The following MYDGF variants were observed in gnomAD, a reference collection of about 807,000 sequenced individuals.
MYDGF encodes myeloid-derived growth factor.
Under a neutral mutation model 24.2 loss-of-function variants are expected in MYDGF, and 29 were observed. The ratio of observed to expected loss-of-function variants is 1.20; its 90% CI spans 0.89 to 1.63. The LOEUF is 1.63. Among genes scored for constraint, MYDGF ranks in the 40% most tolerant of loss-of-function variants. MYDGF has a pLI of 0.00. For missense variants in MYDGF, 245 were observed against 234.8 expected, an observed-to-expected ratio of 1.04 and a Z score of -0.29; for synonymous variants, 105 against 102.5, an observed-to-expected ratio of 1.02 and a Z score of -0.15.
chr19:4,670,330 G>C lies in MYDGF; in HGVS notation c.5C>G (p.Ala2Gly), dbSNP rs752214078. The C allele has an allele frequency of 4.1e-6, 6 of 1,452,454 alleles. No individual in the cohort carries two copies. The Middle Eastern group carries it at 1.0e-3, about 243-fold the overall frequency. The allele number at this position is 1,452,454 out of a possible 1,614,324, so 90.0% of individuals were successfully genotyped here. A position where few individuals can be genotyped will look rare whatever the true frequency, so the allele number is the denominator to read the frequency against. Residue 2 changes from alanine to glycine, a missense_variant, in exon 1 of 6, where the codon GCG becomes GGG. Coordinates refer to ENST00000262947, the MANE Select transcript of MYDGF (RefSeq NM_019107.4). Reference sequence around the variant, plus strand: ...GCCGTTCCACCCTCCGCTGGGCGCCGCCATGTTGGACTAGGGTCCTCAGGG... The same window carrying C: ...GCCGTTCCACCCTCCGCTGGGCGCCCCCATGTTGGACTAGGGTCCTCAGGG... MAAPSGGWNGVG... is the reference protein window; with the variant it reads MGAPSGGWNGVG...
chr19:4,669,429 C>A (rs991172806), intron 1 of MYDGF, among the ~76,000 whole-genome samples: 5 of 152,002 alleles, frequency 3.3e-5, no homozygotes, highest in African/African-American at 7.2e-5. Flanking sequence ...CCAGCCTGGG[C>A]GACAGAGTGA....
chr19:4,663,947 G>A (rs1314537384), intron 3 of MYDGF, among the ~76,000 whole-genome samples: 1 of 151,378 alleles, frequency 6.6e-6, no homozygotes, highest in East Asian at 2.0e-4. Flanking sequence ...GGGGATCTGA[G>A]CTCCACATGT....
rs181955813 is a variant in MYDGF, at chr19:4,659,852, C to A, written c.442+79G>T. 59 of 1,306,940 alleles carry A rather than the reference C, an allele frequency of 4.5e-5. No homozygotes were observed. The Middle Eastern group carries it at 5.5e-4, about 12-fold the overall frequency. 81.0% of individuals were successfully genotyped at this position (1,306,940 alleles called of 1,614,324 possible). A position where few individuals can be genotyped will look rare whatever the true frequency, so the allele number is the denominator to read the frequency against. On this transcript the variant is annotated intron_variant, in intron 5 of 5. Transcript: ENST00000262947. Reference sequence around the variant, plus strand: ...AGTCTCCAGGACCCCTATGGCTGACCCCCCTCTCCAAACTGCCCCGATTGC... The same window carrying A: ...AGTCTCCAGGACCCCTATGGCTGACACCCCTCTCCAAACTGCCCCGATTGC...
intron 3 of MYDGF, among the ~76,000 whole-genome samples, chr19:4,663,380 TACCC>T (rs1421195833): frequency 1.4e-5 from 1 of 71,514 alleles, no homozygotes; most frequent in Admixed American, 1.6e-4. Context: ...TCTCCCCACC[TACCC>T]CATCCTCATT....
rs2088556628 is a variant in MYDGF, at chr19:4,670,316, C to G, written c.19G>C (p.Gly7Arg). The G allele has an allele frequency of 2.0e-6, 3 of 1,467,434 alleles. No homozygotes were observed. In the South Asian group the frequency reaches 4.0e-5, roughly 20 times the overall value. The allele number at this position is 1,467,434 out of a possible 1,614,324, so 90.9% of individuals were successfully genotyped here. Reference sequence around the variant, plus strand: ...AAGCTCGCGCCGACGCCGTTCCACCCTCCGCTGGGCGCCGCCATGTTGGAC... The same window carrying G: ...AAGCTCGCGCCGACGCCGTTCCACCGTCCGCTGGGCGCCGCCATGTTGGAC... MAAPSG[G>R]WNGVGASLWA... The change falls in exon 1 of 6, where the codon GGG becomes CGG. Residue 7 changes from glycine (G) to arginine (R), a missense_variant. Coordinates refer to ENST00000262947, the MANE Select transcript of MYDGF (RefSeq NM_019107.4).
intron 5 of MYDGF, among the ~76,000 whole-genome samples, chr19:4,659,506 G>A (rs1388368782): frequency 1.3e-5 from 2 of 152,184 alleles, no homozygotes; most frequent in Non-Finnish European, 1.5e-5. Flanking sequence ...TTACAGGCGT[G>A]AGCCACCGCA....
intron 5 of MYDGF, chr19:4,659,583 ACCT>A (rs960391527): frequency 2.2e-6 from 1 of 447,658 alleles, no homozygotes; most frequent in Non-Finnish European, 3.9e-6. Flanking sequence ...GCTGGTCTTG[ACCT>A]CCTGGGCTCC....
At position 4,665,039 on chromosome 19, in the gene MYDGF, C is replaced by T. The variant is rs1243852640; in HGVS notation, c.226-102G>A. 6 of 1,289,678 alleles carry T rather than the reference C, an allele frequency of 4.7e-6. No homozygotes were observed. In the Admixed American group the frequency reaches 6.3e-5, roughly 14 times the overall value. The allele number at this position is 1,289,678 out of a possible 1,614,324, so 79.9% of individuals were successfully genotyped here. The stretch of plus-strand genomic sequence containing the variant: ...TACAGTCAGGCCACCTCTTCTGTAC[C>T]TCCCGATTCAGGGGCTGGCCACTAA... On this transcript the variant is annotated intron_variant, in intron 2 of 5. Coordinates refer to ENST00000262947, the MANE Select transcript of MYDGF (RefSeq NM_019107.4).
At chr19:4,659,105 T>TTA (rs1312704619) in intron 5 of MYDGF, among the ~76,000 whole-genome samples, 1 of 151,534 alleles carries the variant, frequency 6.6e-6, no homozygotes. Flanking sequence ...AGACAGAGTC[T>TTA]TACTCTGATG....
intron 3 of MYDGF, among the ~76,000 whole-genome samples, chr19:4,662,083 GC>G (rs2088475666): frequency 6.6e-6 from 1 of 152,138 alleles, no homozygotes; most frequent in Admixed American, 6.5e-5. Context: ...TGGGGCCTTG[GC>G]CTGCCTGTGA....
chr19:4,660,744 C>T lies in MYDGF; in HGVS notation c.294G>A (p.Gln98=), dbSNP rs1481645567. ...QHFTCTIWRP[Q]GKSYLYFTQF... ...GTGTGAAGTACAGATAGGACTTCCC[C>T]TGGGGCCTGCAGAGGAAGAGGGGGC... Residue 98 remains glutamine, a synonymous_variant, in exon 4 of 6, where the codon CAG becomes CAA. Coordinates refer to ENST00000262947, the MANE Select transcript of MYDGF (RefSeq NM_019107.4). 2 of 1,613,622 alleles carry T rather than the reference C, an allele frequency of 1.2e-6. No homozygotes were observed. The highest frequency in any genetic ancestry group is 1.7e-6 in the Non-Finnish European group (2 of 1,179,834).
intron 2 of MYDGF, among the ~76,000 whole-genome samples, chr19:4,665,887 C>T (rs1419720549): frequency 1.6e-5 from 2 of 124,394 alleles, no homozygotes; most frequent in African/African-American, 5.4e-5. Flanking sequence ...TAAATAAACA[C>T]AAGCTGAACT....
intron 1 of MYDGF, 22 bp downstream of exon 1, chr19:4,670,139 C>T: frequency 6.7e-7 from 1 of 1,488,824 alleles, no homozygotes; most frequent in Admixed American, 2.5e-5. Context: ...ACTCAAATAT[C>T]CGGGACGGCG....
At chr19:4,663,020 TC>T (rs1295359993) in intron 3 of MYDGF, among the ~76,000 whole-genome samples, 3 of 143,016 alleles carry the variant, frequency 2.1e-5, no homozygotes, top group Non-Finnish European at 4.6e-5. Flanking sequence ...GTCTGTGCCT[TC>T]CCCTCCCACT....
chr19:4,665,488 A>G (rs977315646), intron 2 of MYDGF, among the ~76,000 whole-genome samples: 2 of 151,988 alleles, frequency 1.3e-5, no homozygotes, highest in Admixed American at 6.6e-5. Context: ...TACAGATATA[A>G]GCCACCATGC....
chr19:4,665,474 A>G (rs2088513227), intron 2 of MYDGF, among the ~76,000 whole-genome samples: 1 of 151,992 alleles, frequency 6.6e-6, no homozygotes, highest in African/African-American at 2.4e-5. Flanking sequence ...CAAAGTGCTG[A>G]GATTACAGAT....
intron 2 of MYDGF, among the ~76,000 whole-genome samples, chr19:4,668,014 G>A (rs560533027): frequency 2.0e-5 from 3 of 152,226 alleles, no homozygotes; most frequent in South Asian, 2.1e-4. Flanking sequence ...TGCAACCTCC[G>A]TCTCCTGGGT....
chr19:4,667,722 T>C lies in MYDGF; in HGVS notation c.225+873A>G, dbSNP rs1257435710. Among the ~76,000 whole-genome samples, 4 of 152,106 alleles carry C rather than the reference T, an allele frequency of 2.6e-5. No individual in the cohort carries two copies. The East Asian group carries it at 7.7e-4, about 29-fold the overall frequency. ...TTCTCCCAGCCCAGAGACTTTTTTTTTTTTTGAGACAGGGTCTTGCTCTGT... is the reference window on the plus strand; with the variant it reads ...TTCTCCCAGCCCAGAGACTTTTTTTCTTTTTGAGACAGGGTCTTGCTCTGT... On this transcript the variant is annotated intron_variant, in intron 2 of 5. Coordinates refer to ENST00000262947, the MANE Select transcript of MYDGF (RefSeq NM_019107.4).
In MYDGF at chr19:4,670,270, C is replaced by T; in HGVS notation, c.65G>A (p.Gly22Glu). The T allele has an allele frequency of 6.4e-7, 1 of 1,550,512 alleles. No homozygotes were observed. The change falls in exon 1 of 6, where the codon GGG becomes GAG. Residue 22 changes from glycine to glutamate, a missense_variant. By Grantham distance (98) the Gly-to-Glu change is moderately conservative (BLOSUM62 -2). Transcript: ENST00000262947. The part of the protein sequence containing the change: ...GASLWAALLL[G>E]AVALRPAEAV... ...CTCCGCCGGCCTCAGCGCCACGGCC[C>T]CTAGGAGCAGCGCGGCCCACAAGCT...
Sources: allele counts gnomAD v4.1 joint callset (sites outside exome capture counted in the v4.1 genomes callset), GRCh38; gene constraint gnomAD v4.1.1; transcripts MANE v1.5; gene names NCBI Gene and HGNC (gene_info 2026-07-23, HGNC 2026-07-21).